XKR9: variants seen among roughly 807,000 people sequenced by gnomAD.
The protein encoded by XKR9 is XK related 9, also known as XK-related protein 9.
A neutral mutation model predicts 32.0 loss-of-function variants in XKR9; 32 were observed. The observed-to-expected ratio is 1.00, with a 90% CI of 0.76 to 1.34. The LOEUF (loss-of-function observed/expected upper bound fraction) is 1.34, where lower values mean the gene tolerates loss of function less well. Among genes scored for constraint, XKR9 ranks in the 40% most tolerant of loss-of-function variants. XKR9 has a pLI of 0.00. For missense variants in XKR9, 546 were observed against 429.7 expected (o/e 1.27, Z -2.39); for synonymous variants, 168 against 143.4 (o/e 1.17, Z -1.22).
chr8:70,842,830 G>A, the XKR9 span, among the ~76,000 whole-genome samples: 1 of 152,266 alleles, frequency 6.6e-6, no homozygotes, highest in Non-Finnish European at 1.5e-5. Flanking sequence ...CAACATTACT[G>A]AGCTTTTGAG....
At chr8:70,856,777 C>G in the XKR9 span, among the ~76,000 whole-genome samples, 2 of 152,346 alleles carry the variant, frequency 1.3e-5, no homozygotes, top group African/African-American at 4.8e-5. Context: ...AACCATCTCT[C>G]AGACCACAGC....
chr8:70,931,171 G>A, the XKR9 span, among the ~76,000 whole-genome samples: 1 of 151,696 alleles, frequency 6.6e-6, no homozygotes, highest in South Asian at 2.1e-4. Flanking sequence ...AAATCAGAGT[G>A]CCAATTTATT....
chr8:70,805,566 T>A, the XKR9 span, among the ~76,000 whole-genome samples: 1 of 152,200 alleles, frequency 6.6e-6, no homozygotes, highest in Non-Finnish European at 1.5e-5. Context: ...GCTTTTACCC[T>A]GCTGAAGCCA....
the XKR9 span, among the ~76,000 whole-genome samples, chr8:70,896,182 C>A: frequency 3.1e-3 from 465 of 152,076 alleles, 3 homozygotes; most frequent in African/African-American, 0.011. Flanking sequence ...AATATAATGT[C>A]TTTTTCTGGT....
chr8:70,971,809 A>T, the XKR9 span, among the ~76,000 whole-genome samples: 1 of 151,964 alleles, frequency 6.6e-6, no homozygotes, highest in African/African-American at 2.4e-5. Flanking sequence ...TATCTGTTCC[A>T]TTAGTCTATG....
At chr8:70,771,468 T>C (rs1347907934) in intron 2 of XKR9, among the ~76,000 whole-genome samples, 1 of 152,220 alleles carries the variant, frequency 6.6e-6, no homozygotes, top group Non-Finnish European at 1.5e-5. Flanking sequence ...TTTTTCTCTT[T>C]ATATTAATGG....
At chr8:70,919,684 A>T in the XKR9 span, among the ~76,000 whole-genome samples, 5 of 152,062 alleles carry the variant, frequency 3.3e-5, no homozygotes, top group African/African-American at 4.8e-5. Context: ...ATGCATTTAC[A>T]TTTATGATTC....
the XKR9 span, among the ~76,000 whole-genome samples, chr8:70,946,910 G>A: frequency 1.3e-5 from 2 of 152,176 alleles, no homozygotes; most frequent in East Asian, 3.9e-4. Context: ...GTTTTAATAT[G>A]GAATGGGTCC....
At chr8:70,724,228 T>A (rs1806382145) in intron 4 of XKR9, among the ~76,000 whole-genome samples, 1 of 152,136 alleles carries the variant, frequency 6.6e-6, no homozygotes, top group South Asian at 2.1e-4. Context: ...CGCACGCCTC[T>A]CCCTGCACCA....
the XKR9 span, among the ~76,000 whole-genome samples, chr8:70,999,361 G>T: frequency 6.6e-6 from 1 of 152,032 alleles, no homozygotes; most frequent in Admixed American, 6.6e-5. Flanking sequence ...CATATCATGA[G>T]ATCTGAATGT....
chr8:70,927,821 T>C, the XKR9 span, among the ~76,000 whole-genome samples: 6 of 152,220 alleles, frequency 3.9e-5, no homozygotes. Flanking sequence ...AGCTTGTTTC[T>C]ATCCTGATTG....
At chr8:70,883,763 G>T in the XKR9 span, among the ~76,000 whole-genome samples, 1 of 152,058 alleles carries the variant, frequency 6.6e-6, no homozygotes. Flanking sequence ...ATGTACCATA[G>T]TTTGTTTTTC....
intron 2 of XKR9, among the ~76,000 whole-genome samples, chr8:70,779,562 C>T (rs1041744324): frequency 2.0e-5 from 3 of 152,054 alleles, no homozygotes; most frequent in South Asian, 2.1e-4. Context: ...TGGTAGAATT[C>T]GGCTGTGAAT....
At chr8:70,724,199 A>T (rs1381674087) in intron 4 of XKR9, among the ~76,000 whole-genome samples, 2 of 152,080 alleles carry the variant, frequency 1.3e-5, no homozygotes, top group African/African-American at 4.8e-5. Context: ...AAAGCCGCCT[A>T]CTGAAGCCTC....
the XKR9 span, among the ~76,000 whole-genome samples, chr8:70,856,510 G>A: frequency 6.6e-5 from 10 of 152,078 alleles, no homozygotes; most frequent in South Asian, 4.2e-4. Flanking sequence ...TTAGACTCCC[G>A]CACAATAATA....
At chr8:71,003,531 C>A in the XKR9 span, among the ~76,000 whole-genome samples, 5 of 152,046 alleles carry the variant, frequency 3.3e-5, no homozygotes, top group Non-Finnish European at 7.4e-5. Flanking sequence ...TAAGACCTAA[C>A]TAACCCCTGG....
At chr8:70,779,152 G>A (rs1020221253) in intron 2 of XKR9, among the ~76,000 whole-genome samples, 2 of 152,012 alleles carry the variant, frequency 1.3e-5, no homozygotes, top group Non-Finnish European at 2.9e-5. Flanking sequence ...AGAGTTTTTG[G>A]CATGAATGAC....
At chr8:70,817,271 GT>G in the XKR9 span, among the ~76,000 whole-genome samples, 1 of 152,260 alleles carries the variant, frequency 6.6e-6, no homozygotes, top group Non-Finnish European at 1.5e-5. Flanking sequence ...AATGACTTCA[GT>G]AAAGTTCCAA....
At chr8:71,044,993 A>G in the XKR9 span, among the ~76,000 whole-genome samples, 1 of 152,196 alleles carries the variant, frequency 6.6e-6, no homozygotes, top group Non-Finnish European at 1.5e-5. Context: ...AGGTCTTAGT[A>G]TTACACATTT....
Sources: gnomAD v4.1 joint callset for allele counts (sites outside exome capture counted in the v4.1 genomes callset) on GRCh38, gnomAD v4.1.1 for gene constraint, MANE v1.5 for transcripts, NCBI Gene and HGNC (gene_info 2026-07-23, HGNC 2026-07-21) for gene names.